The following ITIH3 variants were observed in gnomAD, a reference collection of about 807,000 sequenced individuals.
The protein encoded by ITIH3 is inter-alpha-trypsin inhibitor heavy chain 3, also known as inter-alpha-trypsin inhibitor heavy chain H3.
Under a neutral mutation model 96.5 loss-of-function variants are expected in ITIH3, and 81 were observed. That is an observed-to-expected ratio of 0.84 (90% CI 0.70 to 1.01). ITIH3 has a LOEUF of 1.01. Ranked by LOEUF, ITIH3 falls within the 50% of genes least tolerant of loss-of-function variation. The probability of loss-of-function intolerance (pLI) is 0.00; values close to 1 mark genes in which losing one functional copy is unlikely to be tolerated. For missense variants in ITIH3, 1,057 were observed against 1,139.3 expected, an observed-to-expected ratio of 0.93 and a Z score of 1.04; for synonymous variants, 422 against 445.2, an observed-to-expected ratio of 0.95 and a Z score of 0.66.
intron 13 of ITIH3, among the ~76,000 whole-genome samples, chr3:52,803,627 C>T (rs895751810): frequency 1.3e-5 from 2 of 152,208 alleles, no homozygotes; most frequent in African/African-American, 4.8e-5. Context: ...CCGGTCCTTA[C>T]GTTTTATAGG....
In ITIH3 at chr3:52,802,423, T is replaced by G; in HGVS notation, c.1473T>G (p.Thr491=). The part of the protein sequence containing the change: ...ENAILDLTQN[T]YQHFYDGSEI... The stretch of plus-strand genomic sequence containing the variant: ...CTATCCTGGACCTCACCCAGAACAC[T>G]TACCAGCACTTCTACGATGGCTCTG... The change falls in exon 12 of 22, where the codon ACT becomes ACG. Residue 491 remains threonine (T), a synonymous_variant. Transcript: ENST00000449956. 1 of 1,613,942 alleles carries G rather than the reference T, an allele frequency of 6.2e-7. No homozygotes were observed. Among genetic ancestry groups the G allele is most frequent in the Non-Finnish European group, 8.5e-7 (1 of 1,179,864 alleles).
intron 7 of ITIH3, 112 bp downstream of exon 7, chr3:52,799,203 G>A (rs2535629): frequency 0.36 from 502,495 of 1,380,636 alleles, 97,334 homozygotes; most frequent in African/African-American, 0.69. Context: ...CTGTTTTCCT[G>A]CAGGATGTGG....
chr3:52,806,890 C>A lies in ITIH3; in HGVS notation c.2057-11C>A, dbSNP rs753325463. The stretch of plus-strand genomic sequence containing the variant: ...TCGCTGGTCTCTCTCCCTGCCCCAT[C>A]CCTCTGGCAGGCCTCACAGTTAATG... On this transcript the variant is annotated splice_polypyrimidine_tract_variant and intron_variant, in intron 18 of 21. Coordinates refer to ENST00000449956, the MANE Select transcript of ITIH3 (RefSeq NM_002217.4). 2 of 1,569,758 alleles carry A rather than the reference C, an allele frequency of 1.3e-6. No individual in the cohort carries two copies. The highest frequency in any genetic ancestry group is 2.3e-5 in the South Asian group (2 of 85,166).
At chr3:52,808,086 C>G in intron 20 of ITIH3, 24 bp from the exon 21 acceptor site, 1 of 1,609,090 alleles carries the variant, frequency 6.2e-7, no homozygotes, top group South Asian at 1.1e-5. Flanking sequence ...CAGGGGCTGA[C>G]AGCATGAATA....
At position 52,806,946 on chromosome 3, in the gene ITIH3, C is replaced by T; in HGVS notation, c.2102C>T (p.Pro701Leu). The change falls in exon 19 of 22, where the codon CCT becomes CTT. Residue 701 changes from proline (P) to leucine (L), a missense_variant. Transcript: ENST00000449956. ...GQITGDKRGS[P>L]DSKTRKTYFG... The stretch of plus-strand genomic sequence containing the variant: ...ATCACTGGCGACAAGAGAGGCAGCC[C>T]TGACTCCAAGACCAGAAAGACTTAC... 6.3e-7 allele frequency: 1 copy of T among 1,592,898 alleles called. No homozygotes were observed. Among genetic ancestry groups the T allele is most frequent in the Non-Finnish European group, 8.5e-7 (1 of 1,169,806 alleles).
chr3:52,805,972 G>A (rs370878312), intron 16 of ITIH3, 131 bp from the exon 17 acceptor site: 2 of 1,503,470 alleles, frequency 1.3e-6, no homozygotes, highest in East Asian at 2.3e-5. Flanking sequence ...GGAGATTGCG[G>A]GGTGGGAGGG....
At chr3:52,804,477 A>AGGGTCT (rs1353313987) in intron 14 of ITIH3, 2 of 534,476 alleles carry the variant, frequency 3.7e-6, no homozygotes, top group Non-Finnish European at 6.8e-6. Flanking sequence ...AACTAGGTAC[A>AGGGTCT]GGGTCTGTGT....
chr3:52,799,957 G>A (rs748027738), intron 9 of ITIH3, 36 bp downstream of exon 9: 5 of 1,595,912 alleles, frequency 3.1e-6, no homozygotes, highest in Admixed American at 3.4e-5. Context: ...ACCTCCTAGC[G>A]GTGCCTCCCT....
intron 15 of ITIH3, chr3:52,805,333 C>T: frequency 2.0e-6 from 2 of 1,011,162 alleles, no homozygotes; most frequent in Non-Finnish European, 2.4e-6. Context: ...TGGGCCATCA[C>T]ATTCCCCTCA....
chr3:52,806,752 A>C, intron 18 of ITIH3, 149 bp from the exon 19 acceptor site: 1 of 672,944 alleles, frequency 1.5e-6, no homozygotes, highest in South Asian at 1.8e-5. Context: ...AGGAACCAAC[A>C]GGCTTGGGCT....
rs72954371 is a variant in ITIH3, at chr3:52,796,889, G to A, written c.386+46G>A. 9,553 of 1,316,718 alleles carry A rather than the reference G, an allele frequency of 7.3e-3. 548 individuals carry two copies. The African/African-American group carries it at 0.12, about 16-fold the overall frequency. 81.6% of individuals were successfully genotyped at this position (1,316,718 alleles called of 1,614,324 possible). On this transcript the variant is annotated intron_variant, in intron 4 of 21. Coordinates refer to ENST00000449956, the MANE Select transcript of ITIH3 (RefSeq NM_002217.4). ...CTTGGGGAGAATGTCTGGGATCCAA[G>A]GGCCTTCAGGGCTACAAACAACAAC...
In ITIH3 at chr3:52,807,094, C is replaced by CA. The variant is rs1646286818; in HGVS notation, c.2251dup (p.Thr751AsnfsTer40). ...TCAGCTGGCTGGACACAGTCACAGT[C>CA]ACGCAGGATGGGTAAGCTCCCCTAC... On this transcript the variant is annotated frameshift_variant, in exon 19 of 22. Coordinates refer to ENST00000449956, the MANE Select transcript of ITIH3 (RefSeq NM_002217.4). LOFTEE classifies it high-confidence loss of function. 6.3e-7 allele frequency: 1 copy of CA among 1,590,894 alleles called. No homozygotes were observed.
At chr3:52,803,744 C>A (rs1699933748) in intron 13 of ITIH3, 111 bp from the exon 14 acceptor site, 1 of 1,257,768 alleles carries the variant, frequency 8.0e-7, no homozygotes, top group Non-Finnish European at 1.1e-6. Context: ...GGGGACCCCA[C>A]AATGGGGAAG....
At position 52,799,434 on chromosome 3, in the gene ITIH3, C is replaced by G; in HGVS notation, c.852C>G (p.Asn284Lys). 4 of 1,612,730 alleles carry G rather than the reference C, an allele frequency of 2.5e-6. No homozygotes were observed. Among genetic ancestry groups the G allele is most frequent in the Non-Finnish European group, 3.4e-6 (4 of 1,179,406 alleles). The change falls in exon 8 of 22, where the codon AAC (asparagine) becomes AAG (lysine). Residue 284 changes from asparagine to lysine, a missense_variant. Coordinates refer to ENST00000449956, the MANE Select transcript of ITIH3 (RefSeq NM_002217.4). ...AAGGCCTTCCAGTGGTGCCTAAGAA[C>G]GTGGCCTTTGTGATTGACATCAGCG... is the stretch of plus-strand genomic sequence containing the variant. ...APQGLPVVPKNVAFVIDISGS... is the reference protein window; with the variant it reads ...APQGLPVVPKKVAFVIDISGS...
chr3:52,804,355 A>G, intron 14 of ITIH3: 1 of 433,622 alleles, frequency 2.3e-6, no homozygotes, highest in Non-Finnish European at 4.2e-6. Flanking sequence ...GGAGCAGGCT[A>G]TCAGGCACCT....
chr3:52,800,315 G>A (rs190550805), intron 9 of ITIH3: 41 of 590,506 alleles, frequency 6.9e-5, no homozygotes, highest in Middle Eastern at 4.6e-4. Context: ...TGTGCTTTTC[G>A]TCTTCACCAT....
chr3:52,803,916 A>G lies in ITIH3; in HGVS notation c.1771A>G (p.Lys591Glu). The G allele has an allele frequency of 6.2e-7, 1 of 1,613,962 alleles. No individual in the cohort carries two copies. Among genetic ancestry groups the G allele is most frequent in the Non-Finnish European group, 8.5e-7 (1 of 1,179,854 alleles). The change falls in exon 14 of 22, where the codon AAG becomes GAG. Residue 591 changes from lysine (K) to glutamate (E), a missense_variant. Transcript: ENST00000449956. Reference sequence around the variant, plus strand: ...GGCCCGGGCCCTGGACCTGTCCCTCAAGTATCACTTTGTGACTCCACTGAC... The same window carrying G: ...GGCCCGGGCCCTGGACCTGTCCCTCGAGTATCACTTTGTGACTCCACTGAC... ...LTARALDLSLKYHFVTPLTSM... is the reference protein window; with the variant it reads ...LTARALDLSLEYHFVTPLTSM...
At chr3:52,802,839 C>A (rs745982499) in intron 13 of ITIH3, 33 bp downstream of exon 13, 10 of 1,611,718 alleles carry the variant, frequency 6.2e-6, no homozygotes, top group Non-Finnish European at 7.6e-6. Context: ...CCTGTGCCTA[C>A]CCCTGGCTGG....
chr3:52,796,676 G>A, intron 3 of ITIH3, 29 bp downstream of exon 3: 3 of 1,607,670 alleles, frequency 1.9e-6, no homozygotes, highest in Non-Finnish European at 2.6e-6. Flanking sequence ...GCTGGCTCTG[G>A]GCTCGGGAAC....
Sources: gnomAD v4.1 joint callset for allele counts (sites outside exome capture counted in the v4.1 genomes callset) on GRCh38, gnomAD v4.1.1 for gene constraint, MANE v1.5 for transcripts, NCBI Gene and HGNC (gene_info 2026-07-23, HGNC 2026-07-21) for gene names.